GFI1: variants seen among roughly 807,000 people sequenced by gnomAD.
The protein encoded by GFI1 is zinc finger protein Gfi-1.
A neutral mutation model predicts 39.2 loss-of-function variants in GFI1; 15 were observed. The ratio of observed to expected loss-of-function variants is 0.38; its 90% confidence interval spans 0.26 to 0.59. The LOEUF is 0.59. Among genes scored for constraint, GFI1 ranks in the 20% least tolerant of loss-of-function variants. The pLI, the probability that GFI1 is intolerant of heterozygous loss-of-function variation, is 0.62. For synonymous variants in GFI1, 239 were observed against 254.3 expected, an observed-to-expected ratio of 0.94 and a Z score of 0.57; for missense variants, 475 against 574.0, an observed-to-expected ratio of 0.83 and a Z score of 1.76.
At position 92,480,878 on chromosome 1, in the gene GFI1, G is replaced by C; in HGVS notation, c.509C>G (p.Pro170Arg). The change falls in exon 4 of 7, where the codon CCG becomes CGG. Residue 170 changes from proline (P) to arginine (R), a missense_variant. By Grantham distance (103) the Pro-to-Arg change is moderately radical. This residue lies in a region of GFI1 where 275 missense variants were observed against 275.8 expected (regional missense o/e 1.00). Transcript: ENST00000294702. The surrounding 1 kb of genome is among the most constrained non-coding windows in gnomAD (Gnocchi z 5.6). ...EPGHPAALYG[P>R]KRAAGGAGAG... ...CCCCGCGCCGCCGGCAGCCCGCTTCGGGCCGTACAGCGCGGCCGGGTGGCC... is the reference window on the plus strand; with the variant it reads ...CCCCGCGCCGCCGGCAGCCCGCTTCCGGCCGTACAGCGCGGCCGGGTGGCC... The C allele has an allele frequency of 6.6e-7, 1 of 1,515,536 alleles. No individual in the cohort carries two copies. Among genetic ancestry groups the C allele is most frequent in the Non-Finnish European group, 8.8e-7 (1 of 1,132,284 alleles). 93.9% of individuals were successfully genotyped at this position (1,515,536 alleles called of 1,614,324 possible).
At position 92,478,688 on chromosome 1, in the gene GFI1, G is replaced by A; in HGVS notation, c.990C>T (p.His330=). Residue 330 remains histidine (H), a synonymous_variant, in exon 6 of 7, where the codon CAC becomes CAT. Transcript: ENST00000294702. ...GCCGAGTGTCTGAGTGGATAAGCAG[G>A]TGTGTGGACAGTGTGGATGACCTCT... ...SFKRSSTLST[H]LLIHSDTRPY... The A allele has an allele frequency of 6.2e-7, 1 of 1,613,734 alleles. No individual in the cohort carries two copies. Among genetic ancestry groups the A allele is most frequent in the Non-Finnish European group, 8.5e-7 (1 of 1,179,936 alleles).
chr1:92,484,973 C>T lies in GFI1; in HGVS notation c.-99-1387G>A, dbSNP rs1451312314. 1.3e-5 allele frequency among the ~76,000 whole-genome samples: 2 copies of T among 152,230 alleles called. No homozygotes were observed. The highest frequency in any genetic ancestry group is 1.3e-4 in the Admixed American group (2 of 15,288). On this transcript the variant is annotated intron_variant, in intron 1 of 6. Transcript: ENST00000294702. This position sits in a 1 kb window ranked among gnomAD's most constrained non-coding sequence, Gnocchi z 4.1. ...GCCCCTCGGCTTCCTAGGCAAGATG[C>T]AGGCCACACAGTCTACGTCTGTCCG...
chr1:92,478,711 T>G lies in GFI1; in HGVS notation c.967A>C (p.Arg323=). 1 of 1,612,384 alleles carries G rather than the reference T, an allele frequency of 6.2e-7. No homozygotes were observed. ...AGGTGTGTGGACAGTGTGGATGACCTCTTGAAGCTCTTCCCACAGATCTTA... is the reference window on the plus strand; with the variant it reads ...AGGTGTGTGGACAGTGTGGATGACCGCTTGAAGCTCTTCCCACAGATCTTA... The part of the protein sequence containing the change: ...DCKICGKSFK[R]SSTLSTHLLI... Residue 323 remains arginine, a synonymous_variant, in exon 6 of 7, where the codon AGG becomes CGG. Coordinates refer to ENST00000294702, the MANE Select transcript of GFI1 (RefSeq NM_005263.5).
At chr1:92,486,353 G>A (rs1183017318) in intron 1 of GFI1, among the ~76,000 whole-genome samples, 1 of 152,198 alleles carries the variant, frequency 6.6e-6, no homozygotes, top group African/African-American at 2.4e-5. Context: ...TTGGAGGTCC[G>A]GACACTTAGG....
In GFI1 at chr1:92,484,667, A is replaced by T. The variant is rs1658441857; in HGVS notation, c.-99-1081T>A. The stretch of plus-strand genomic sequence containing the variant: ...CATTAACCCCCAATCAGTTCACCTA[A>T]TACCAGGTCGAAATCTGAGCGCAGC... On this transcript the variant is annotated intron_variant, in intron 1 of 6. Transcript: ENST00000294702. This position sits in a 1 kb window ranked among gnomAD's most constrained non-coding sequence, Gnocchi z 4.1. 1.3e-5 allele frequency: 2 copies of T among 152,306 alleles called. No individual in the cohort carries two copies. The highest frequency in any genetic ancestry group is 4.1e-4 in the South Asian group (2 of 4,820). The allele number at this position is 152,306 out of a possible 1,614,324, so 9.4% of individuals were successfully genotyped here. A position where few individuals can be genotyped will look rare whatever the true frequency, so the allele number is the denominator to read the frequency against.
chr1:92,486,377 T>C (rs1658528052), intron 1 of GFI1, among the ~76,000 whole-genome samples: 1 of 152,190 alleles, frequency 6.6e-6, no homozygotes, highest in Admixed American at 6.5e-5. Flanking sequence ...TAGAAATGAC[T>C]TGAAAGAAAA....
At chr1:92,483,817 C>T (rs1658408463) in intron 1 of GFI1, 1 of 397,082 alleles carries the variant, frequency 2.5e-6, no homozygotes, top group Non-Finnish European at 4.8e-6. Flanking sequence ...AAACCTGTCC[C>T]GGGGCCCTGT....
chr1:92,476,052 C>T lies in GFI1; in HGVS notation c.1246G>A (p.Glu416Lys). ...QRKVDLRRHR[E>K]TQHGLK ...GCTCATTTGAGCCCATGCTGCGTCT[C>T]CCGGTGCCTTCGGAGGTCCACCTTC... The change falls in exon 7 of 7, where the codon GAG (glutamate) becomes AAG (lysine). Residue 416 changes from glutamate to lysine, a missense_variant. Physicochemically the swap from Glu to Lys is moderately conservative, Grantham distance 56. Transcript: ENST00000294702. 1 of 1,614,142 alleles carries T rather than the reference C, an allele frequency of 6.2e-7. No individual in the cohort carries two copies. The highest frequency in any genetic ancestry group is 8.5e-7 in the Non-Finnish European group (1 of 1,180,014).
At position 92,480,434 on chromosome 1, in the gene GFI1, C is replaced by A. The variant is rs958605699; in HGVS notation, c.838G>T (p.Gly280Cys). 1.3e-6 allele frequency: 2 copies of A among 1,550,292 alleles called. No individual in the cohort carries two copies. The highest frequency in any genetic ancestry group is 2.7e-5 in the African/African-American group (2 of 73,024). ...LEVHVRRSHSGTRPFACEMCG... is the reference protein window; with the variant it reads ...LEVHVRRSHSCTRPFACEMCG... Reference sequence around the variant, plus strand: ...ATCTCGCAGGCAAAGGGTCTGGTACCGCTGTGGGACCTGCGCACGTGCACC... The same window carrying A: ...ATCTCGCAGGCAAAGGGTCTGGTACAGCTGTGGGACCTGCGCACGTGCACC... The change falls in exon 5 of 7, where the codon GGT becomes TGT. Residue 280 changes from glycine to cysteine, a missense_variant. Around this residue, in one of 4 missense-constraint regions of GFI1, gnomAD observed 112 missense variants for 202.8 expected, o/e 0.55. Transcript: ENST00000294702. This position sits in a 1 kb window ranked among gnomAD's most constrained non-coding sequence, Gnocchi z 5.6.
intron 2 of GFI1, 110 bp downstream of exon 2, chr1:92,483,263 G>T: frequency 1.3e-6 from 1 of 761,168 alleles, no homozygotes; most frequent in Non-Finnish European, 2.3e-6. Context: ...AACAAAAACA[G>T]CAGCAAAAGG....
chr1:92,480,872 C>G lies in GFI1; in HGVS notation c.515G>C (p.Arg172Pro). The change falls in exon 4 of 7, where the codon CGG becomes CCG. Residue 172 changes from arginine to proline, a missense_variant. By Grantham distance (103) the Arg-to-Pro change is moderately radical (BLOSUM62 -2). Coordinates refer to ENST00000294702, the MANE Select transcript of GFI1 (RefSeq NM_005263.5). The surrounding 1 kb of genome is among the most constrained non-coding windows in gnomAD (Gnocchi z 5.6). ...CCCGGCCCCCGCGCCGCCGGCAGCC[C>G]GCTTCGGGCCGTACAGCGCGGCCGG... The part of the protein sequence containing the change: ...GHPAALYGPK[R>P]AAGGAGAGAP... 1 of 1,461,034 alleles carries G rather than the reference C, an allele frequency of 6.8e-7. No homozygotes were observed. Among genetic ancestry groups the G allele is most frequent in the Non-Finnish European group, 9.0e-7 (1 of 1,112,334 alleles). The allele number at this position is 1,461,034 out of a possible 1,614,324, so 90.5% of individuals were successfully genotyped here. A position where few individuals can be genotyped will look rare whatever the true frequency, so the allele number is the denominator to read the frequency against.
chr1:92,486,374 G>T (rs955067285), intron 1 of GFI1, among the ~76,000 whole-genome samples: 1 of 152,174 alleles, frequency 6.6e-6, no homozygotes, highest in African/African-American at 2.4e-5. Flanking sequence ...CACTAGAAAT[G>T]ACTTGAAAGA....
rs1464765194 is a variant in GFI1 at position 92,484,637 on chromosome 1, G to T, written c.-99-1051C>A. 2 of 152,336 alleles carry T rather than the reference G, an allele frequency of 1.3e-5. No homozygotes were observed. The highest frequency in any genetic ancestry group is 3.9e-4 in the East Asian group (2 of 5,152). The allele number at this position is 152,336 out of a possible 1,614,324, so 9.4% of individuals were successfully genotyped here. On this transcript the variant is annotated intron_variant, in intron 1 of 6. Transcript: ENST00000294702. This position sits in a 1 kb window ranked among gnomAD's most constrained non-coding sequence, Gnocchi z 4.1. ...GAGGGAACTAGCTGCCCGGGGCGTC[G>T]CTCTCATTAACCCCCAATCAGTTCA...
Position 92,475,737 on chromosome 1 carries a change from G to GTCCCCATTT in GFI1, c.*283_*291dup. The GTCCCCATTT allele has an allele frequency of 2.2e-6, 1 of 456,606 alleles. No individual in the cohort carries two copies. Among genetic ancestry groups the GTCCCCATTT allele is most frequent in the South Asian group, 2.1e-5 (1 of 47,598 alleles). 28.3% of individuals were successfully genotyped at this position (456,606 alleles called of 1,614,324 possible). A position where few individuals can be genotyped will look rare whatever the true frequency, so the allele number is the denominator to read the frequency against. On this transcript the variant is annotated 3_prime_UTR_variant, in exon 7 of 7. Coordinates refer to ENST00000294702, the MANE Select transcript of GFI1 (RefSeq NM_005263.5). ...ACTGTGGGGTCTAAGATTTATTCTG[G>GTCCCCATTT]TCCCCATTTGACTTTGCCTTTGTCT...
At chr1:92,479,864 AAAAAG>A (rs1158615866) in intron 5 of GFI1, among the ~76,000 whole-genome samples, 4 of 152,074 alleles carry the variant, frequency 2.6e-5, no homozygotes, top group East Asian at 1.9e-4. Context: ...AAAGAAAAGA[AAAAAG>A]AAAAGAAAAG....
rs909107951 is a variant in GFI1 at position 92,473,842 on chromosome 1, A to G, written c.*2187T>C. On this transcript the variant is annotated 3_prime_UTR_variant, in exon 7 of 7. Transcript: ENST00000294702. ...ATTAATCTCCTACTGTGTGCCAGGC[A>G]CTATTCTGGGAACTGAGGATTCAAC... is the stretch of plus-strand genomic sequence containing the variant. Among the ~76,000 whole-genome samples, 1 of 152,248 alleles carries G rather than the reference A, an allele frequency of 6.6e-6. No individual in the cohort carries two copies. The highest frequency in any genetic ancestry group is 2.4e-5 in the African/African-American group (1 of 41,462).
At chr1:92,476,753 TTTC>T (rs370624127) in intron 6 of GFI1, among the ~76,000 whole-genome samples, 126 of 152,310 alleles carry the variant, frequency 8.3e-4, no homozygotes, top group South Asian at 1.9e-3. Flanking sequence ...ACTTTCTTTC[TTTC>T]TTTATTTCTC....
In GFI1 at chr1:92,482,791, G is replaced by A; in HGVS notation, c.298+73C>T. On this transcript the variant is annotated intron_variant, in intron 3 of 6. Transcript: ENST00000294702. The surrounding 1 kb of genome is among the most constrained non-coding windows in gnomAD (Gnocchi z 4.4). ...CCCCGTTAGCATTTCTACGCCCAAG[G>A]TCGCGCCAATTCCCCCCCAGCACTG... 8.4e-7 allele frequency: 1 copy of A among 1,194,478 alleles called. No individual in the cohort carries two copies. The highest frequency in any genetic ancestry group is 1.2e-6 in the Non-Finnish European group (1 of 801,582). 74.0% of individuals were successfully genotyped at this position (1,194,478 alleles called of 1,614,324 possible).
rs183835951 is a variant in GFI1, at chr1:92,473,580, A to G, written c.*2449T>C. On this transcript the variant is annotated 3_prime_UTR_variant, in exon 7 of 7. Coordinates refer to ENST00000294702, the MANE Select transcript of GFI1 (RefSeq NM_005263.5). ...TGAGAGTAAACTGACATGGAAAGACATGGTGCTGGAAATCAGGTGAGGACA... is the reference window on the plus strand; with the variant it reads ...TGAGAGTAAACTGACATGGAAAGACGTGGTGCTGGAAATCAGGTGAGGACA... Among the ~76,000 whole-genome samples the G allele has an allele frequency of 6.6e-6, 1 of 152,312 alleles. No individual in the cohort carries two copies. The highest frequency in any genetic ancestry group is 2.4e-5 in the African/African-American group (1 of 41,584).
Sources: gnomAD v4.1 joint callset for allele counts (sites outside exome capture counted in the v4.1 genomes callset) on GRCh38, gnomAD v4.1.1 for gene constraint, gnomAD v4.1.1 regional missense constraint, Gnocchi (gnomAD v3.1) non-coding constraint, MANE v1.5 for transcripts, NCBI Gene and HGNC (gene_info 2026-07-23, HGNC 2026-07-21) for gene names.